Variants in AFG2A observed in about 807,000 individuals in gnomAD.
AFG2A encodes the protein AAA ATPase AFG2A.
chr4:123,090,550 T>C, the AFG2A span: 4 of 1,612,450 alleles, frequency 2.5e-6, no homozygotes, highest in South Asian at 1.1e-5. Flanking sequence ...TAAGTAAAGA[T>C]ATTTTTTAAA....
chr4:123,149,713 G>A, the AFG2A span, among the ~76,000 whole-genome samples: 2 of 151,776 alleles, frequency 1.3e-5, no homozygotes, highest in African/African-American at 4.9e-5. Flanking sequence ...CATTTCAATG[G>A]TGTTGAAGCC....
the AFG2A span, among the ~76,000 whole-genome samples, chr4:123,185,140 T>C: frequency 6.6e-6 from 1 of 152,164 alleles, no homozygotes; most frequent in Non-Finnish European, 1.5e-5. Flanking sequence ...GATGGCTCTT[T>C]TGAAAGTATT....
the AFG2A span, among the ~76,000 whole-genome samples, chr4:123,007,037 A>G: frequency 6.6e-6 from 1 of 151,194 alleles, no homozygotes; most frequent in Non-Finnish European, 1.5e-5. Flanking sequence ...AATTCTAGAC[A>G]TTGTAAATTT....
the AFG2A span, among the ~76,000 whole-genome samples, chr4:123,043,837 C>T: frequency 6.6e-6 from 1 of 152,154 alleles, no homozygotes; most frequent in South Asian, 2.1e-4. Context: ...GTGAAGCTTT[C>T]CTGGGCATTT....
chr4:123,284,819 A>G, the AFG2A span, among the ~76,000 whole-genome samples: 6 of 152,192 alleles, frequency 3.9e-5, no homozygotes, highest in Non-Finnish European at 8.8e-5. Context: ...GTCAGCTGCT[A>G]CTGCATTTGT....
At chr4:122,989,107 C>T in the AFG2A span, among the ~76,000 whole-genome samples, 4 of 152,048 alleles carry the variant, frequency 2.6e-5, no homozygotes, top group East Asian at 1.9e-4. Flanking sequence ...TATCATCAGT[C>T]GTTTAGTGTC....
the AFG2A span, among the ~76,000 whole-genome samples, chr4:122,944,761 G>T: frequency 6.6e-6 from 1 of 152,130 alleles, no homozygotes; most frequent in South Asian, 2.1e-4. Flanking sequence ...CCCCATCTTT[G>T]TGGTTTTATC....
the AFG2A span, among the ~76,000 whole-genome samples, chr4:123,114,056 T>C: frequency 1.3e-5 from 2 of 151,330 alleles, no homozygotes; most frequent in Non-Finnish European, 3.0e-5. Context: ...CTGAAGAGGG[T>C]AGACTCCTCT....
the AFG2A span, among the ~76,000 whole-genome samples, chr4:122,942,131 G>A: frequency 2.0e-5 from 3 of 151,316 alleles, no homozygotes; most frequent in African/African-American, 4.9e-5. Flanking sequence ...TTGGTATCAG[G>A]ATGATGCTGG....
At chr4:123,192,177 C>T in the AFG2A span, among the ~76,000 whole-genome samples, 3 of 152,072 alleles carry the variant, frequency 2.0e-5, no homozygotes, top group Non-Finnish European at 4.4e-5. Flanking sequence ...CAGGTACCCA[C>T]CACCACACCC....
the AFG2A span, among the ~76,000 whole-genome samples, chr4:123,016,920 G>C: frequency 6.6e-6 from 1 of 152,184 alleles, no homozygotes; most frequent in African/African-American, 2.4e-5. Flanking sequence ...CGGAGCTGGA[G>C]ACCAGCCCGG....
At chr4:123,179,573 A>G in the AFG2A span, among the ~76,000 whole-genome samples, 1 of 152,190 alleles carries the variant, frequency 6.6e-6, no homozygotes, top group Non-Finnish European at 1.5e-5. Flanking sequence ...CATGTTGCCC[A>G]GGCTGGTCTG....
chr4:122,970,598 A>G, the AFG2A span, among the ~76,000 whole-genome samples: 1 of 150,950 alleles, frequency 6.6e-6, no homozygotes, highest in South Asian at 2.1e-4. Flanking sequence ...GTTTAGGTAT[A>G]CAAATACCAT....
the AFG2A span, among the ~76,000 whole-genome samples, chr4:123,230,840 C>A: frequency 1.3e-5 from 2 of 151,992 alleles, no homozygotes; most frequent in Non-Finnish European, 2.9e-5. Flanking sequence ...TAATCTACAT[C>A]TCCATCAGAG....
chr4:122,933,639 T>G, the AFG2A span: 1 of 655,404 alleles, frequency 1.5e-6, no homozygotes, highest in Admixed American at 3.2e-5. Context: ...ATGAATATAC[T>G]TTTAAGATAG....
At chr4:123,122,082 C>T in the AFG2A span, among the ~76,000 whole-genome samples, 2 of 152,038 alleles carry the variant, frequency 1.3e-5, no homozygotes, top group South Asian at 2.1e-4. Context: ...GCTGCCTCAC[C>T]GATTTACACA....
the AFG2A span, among the ~76,000 whole-genome samples, chr4:123,264,967 G>C: frequency 6.6e-6 from 1 of 152,102 alleles, no homozygotes; most frequent in South Asian, 2.1e-4. Context: ...TGTCCAGAAA[G>C]CTGGGATCTT....
the AFG2A span, among the ~76,000 whole-genome samples, chr4:123,040,990 C>A: frequency 1.3e-5 from 2 of 151,878 alleles, no homozygotes; most frequent in Non-Finnish European, 2.9e-5. Flanking sequence ...TACATAATCA[C>A]TTTGTCTATT....
chr4:123,156,102 G>A, the AFG2A span, among the ~76,000 whole-genome samples: 2 of 152,112 alleles, frequency 1.3e-5, no homozygotes, highest in African/African-American at 4.8e-5. Context: ...TGTTAAACTC[G>A]TGTATGTAAT....
Sources: gnomAD v4.1 joint callset for allele counts (sites outside exome capture counted in the v4.1 genomes callset) on GRCh38, gnomAD v4.1.1 for gene constraint, MANE v1.5 for transcripts, NCBI Gene and HGNC (gene_info 2026-07-23, HGNC 2026-07-21) for gene names.